The following EPCIP variants were observed in gnomAD, a reference collection of about 807,000 sequenced individuals.
EPCIP encodes exosomal polycystin-1-interacting protein.
At chr21:32,795,112 C>CAGA in the EPCIP span, among the ~76,000 whole-genome samples, 2 of 152,192 alleles carry the variant, frequency 1.3e-5, no homozygotes, top group East Asian at 3.8e-4. Flanking sequence ...TCATCCTGTT[C>CAGA]AGGGCCTCTT....
the EPCIP span, among the ~76,000 whole-genome samples, chr21:32,800,928 G>T: frequency 2.0e-5 from 3 of 152,082 alleles, no homozygotes; most frequent in Admixed American, 2.0e-4. Flanking sequence ...TACTTATTGC[G>T]TCTTACAACC....
the EPCIP span, among the ~76,000 whole-genome samples, chr21:32,810,421 A>AT: frequency 0.039 from 4,792 of 122,604 alleles, 150 homozygotes; most frequent in South Asian, 0.12. Flanking sequence ...ATGCCCGGTA[A>AT]TTTTTTTTTT....
the EPCIP span, among the ~76,000 whole-genome samples, chr21:32,809,543 A>T: frequency 4.6e-5 from 7 of 151,576 alleles, no homozygotes; most frequent in Admixed American, 4.6e-4. Context: ...AATGTTTAAA[A>T]TTTTTTGTAG....
the EPCIP span, among the ~76,000 whole-genome samples, chr21:32,808,297 GAA>G: frequency 2.3e-5 from 3 of 132,542 alleles, no homozygotes; most frequent in African/African-American, 2.8e-5. Flanking sequence ...GGAGATGAGA[GAA>G]AAAAAAAAAA....
the EPCIP span, among the ~76,000 whole-genome samples, chr21:32,808,648 G>A: frequency 6.6e-6 from 1 of 152,284 alleles, no homozygotes; most frequent in East Asian, 1.9e-4. Flanking sequence ...GTGGGATCCT[G>A]GATGAGATCC....
At chr21:32,796,861 C>T in the EPCIP span, 1 of 411,042 alleles carries the variant, frequency 2.4e-6, no homozygotes, top group Non-Finnish European at 4.9e-6. Context: ...CTGACCCTAG[C>T]CTTAAAAGAA....
chr21:32,794,783 G>A, the EPCIP span, among the ~76,000 whole-genome samples: 1 of 152,186 alleles, frequency 6.6e-6, no homozygotes, highest in Non-Finnish European at 1.5e-5. Flanking sequence ...ATGCCAGAGC[G>A]GATGCCAGAG....
the EPCIP span, among the ~76,000 whole-genome samples, chr21:32,809,675 C>T: frequency 3.9e-5 from 6 of 152,058 alleles, no homozygotes; most frequent in Admixed American, 3.9e-4. Context: ...ATTGTGTTTT[C>T]TTATTCTCCA....
the EPCIP span, among the ~76,000 whole-genome samples, chr21:32,803,807 G>T: frequency 2.0e-5 from 3 of 151,932 alleles, no homozygotes; most frequent in Admixed American, 2.0e-4. Flanking sequence ...CTCATCCTTG[G>T]TATGAGCCAC....
the EPCIP span, chr21:32,810,579 A>G: frequency 2.4e-4 from 112 of 470,348 alleles, no homozygotes; most frequent in African/African-American, 2.0e-3. Flanking sequence ...CTTACCTGTT[A>G]TTGTTGCATG....
At chr21:32,804,296 T>C in the EPCIP span, among the ~76,000 whole-genome samples, 7 of 148,556 alleles carry the variant, frequency 4.7e-5, no homozygotes, top group African/African-American at 1.7e-4. Context: ...TATATATATA[T>C]GAATAGTACT....
At chr21:32,794,267 C>G in the EPCIP span, 1 of 1,614,266 alleles carries the variant, frequency 6.2e-7, no homozygotes, top group Non-Finnish European at 8.5e-7. Context: ...ACTGTAGTCA[C>G]AATCCCGGAT....
At chr21:32,795,710 C>T in the EPCIP span, among the ~76,000 whole-genome samples, 1,194 of 152,236 alleles carry the variant, frequency 7.8e-3, 7 homozygotes, top group South Asian at 0.014. Flanking sequence ...GCTAGGCAGA[C>T]AAGCAGCAAT....
At chr21:32,807,559 A>T in the EPCIP span, 1 of 152,176 alleles carries the variant, frequency 6.6e-6, no homozygotes, top group Non-Finnish European at 1.5e-5. Flanking sequence ...TCCCGACCTC[A>T]GGTGATCCAC....
chr21:32,792,512 A>G, the EPCIP span, among the ~76,000 whole-genome samples: 1 of 152,172 alleles, frequency 6.6e-6, no homozygotes, highest in Non-Finnish European at 1.5e-5. Flanking sequence ...CTAAGTTCTG[A>G]TTTTTGGAGC....
the EPCIP span, among the ~76,000 whole-genome samples, chr21:32,812,504 C>A: frequency 2.6e-5 from 4 of 152,100 alleles, no homozygotes; most frequent in South Asian, 8.3e-4. Context: ...TCTTGAAAAG[C>A]ACTCATTTCC....
the EPCIP span, chr21:32,793,888 G>A: frequency 1.2e-6 from 2 of 1,614,180 alleles, no homozygotes; most frequent in Non-Finnish European, 1.7e-6. Context: ...TTAAGGCTGA[G>A]TCCCTGTTGA....
At chr21:32,794,455 C>A in the EPCIP span, 9 of 1,585,026 alleles carry the variant, frequency 5.7e-6, no homozygotes, top group African/African-American at 1.3e-5. Context: ...GTTTATCCCC[C>A]CTCTTTTTGA....
the EPCIP span, chr21:32,793,451 A>T: frequency 2.1e-6 from 1 of 481,294 alleles, no homozygotes. Context: ...TCCATTTCTG[A>T]CGGGACATTT....
Sources: allele counts gnomAD v4.1 joint callset (sites outside exome capture counted in the v4.1 genomes callset), GRCh38; gene constraint gnomAD v4.1.1; transcripts MANE v1.5; gene names NCBI Gene and HGNC (gene_info 2026-07-23, HGNC 2026-07-21).